The following SKP2 variants were observed in gnomAD, a reference collection of about 807,000 sequenced individuals.
SKP2 encodes S-phase kinase associated protein 2.
Under a neutral mutation model 51.8 loss-of-function variants are expected in SKP2, and 16 were observed. That is an observed-to-expected ratio of 0.31 (90% CI 0.21 to 0.47). The LOEUF (loss-of-function observed/expected upper bound fraction) is 0.47, where lower values mean the gene tolerates loss of function less well. Ranked by LOEUF, SKP2 falls within the 20% of genes least tolerant of loss-of-function variation. The pLI, the probability that SKP2 is intolerant of heterozygous loss-of-function variation, is 1.00. For missense variants in SKP2, 377 were observed against 505.3 expected (o/e 0.75, Z 2.43); for synonymous variants, 176 against 198.6 (o/e 0.89, Z 0.96).
At position 36,166,568 on chromosome 5, in the gene SKP2, C is replaced by A. The variant is rs770059490; in HGVS notation, c.442C>A (p.His148Asn). 13 of 1,613,898 alleles carry A rather than the reference C, an allele frequency of 8.1e-6. No homozygotes were observed. Among genetic ancestry groups the A allele is most frequent in the Admixed American group, 3.3e-5 (2 of 60,020 alleles). ...QTLDLTGKNL[H>N]PDVTGRLLSQ... ...CTTAGACCTCACAGGTAAAAATCTG[C>A]ACCCGGATGTGACTGGTCGGTTGCT... The change falls in exon 4 of 10, where the codon CAC becomes AAC. Residue 148 changes from histidine to asparagine, a missense_variant. Around this residue, in one of 2 missense-constraint regions of SKP2, gnomAD observed 262 missense variants for 389.8 expected, o/e 0.67. Coordinates refer to ENST00000274255, the MANE Select transcript of SKP2 (RefSeq NM_005983.4).
chr5:36,158,916 C>T (rs1169594900), intron 2 of SKP2, among the ~76,000 whole-genome samples: 2 of 152,208 alleles, frequency 1.3e-5, no homozygotes, highest in Admixed American at 6.5e-5. Context: ...GCCTCATCCC[C>T]TCCATATGCC....
At chr5:36,187,265 TC>T (rs1745964556), downstream of SKP2, among the ~76,000 whole-genome samples, 1 of 152,224 alleles carries the variant, frequency 6.6e-6, no homozygotes, top group Non-Finnish European at 1.5e-5. Flanking sequence ...AGTTATTTCT[TC>T]CTTTCTGGTA....
At chr5:36,172,826 G>C (rs1745516382) in intron 7 of SKP2, among the ~76,000 whole-genome samples, 1 of 152,064 alleles carries the variant, frequency 6.6e-6, no homozygotes, top group Admixed American at 6.6e-5. Context: ...CCAAACACTT[G>C]CATTTTCAGA....
chr5:36,162,191 C>G (rs1464850694), intron 2 of SKP2, among the ~76,000 whole-genome samples: 2 of 152,160 alleles, frequency 1.3e-5, no homozygotes, highest in African/African-American at 4.8e-5. Flanking sequence ...GCGTCAAAGC[C>G]AAAGGCTTTA....
intron 2 of SKP2, among the ~76,000 whole-genome samples, chr5:36,162,902 A>G (rs1745168240): frequency 6.6e-6 from 1 of 152,202 alleles, no homozygotes; most frequent in Non-Finnish European, 1.5e-5. Flanking sequence ...ACATGGCGGC[A>G]TCAAGTGCAG....
chr5:36,178,863 T>C (rs1174484739), intron 9 of SKP2, among the ~76,000 whole-genome samples: 1 of 152,120 alleles, frequency 6.6e-6, no homozygotes, highest in African/African-American at 2.4e-5. Flanking sequence ...GGCTGTGAGC[T>C]CTTCATTTTA....
chr5:36,154,973 G>T (rs1430242554), intron 2 of SKP2: 2 of 152,188 alleles, frequency 1.3e-5, no homozygotes, highest in African/African-American at 4.8e-5. Flanking sequence ...GAAATCAGGT[G>T]GGGGATGATG....
In SKP2 at chr5:36,170,333, T is replaced by C; in HGVS notation, c.672-11T>C. On this transcript the variant is annotated splice_polypyrimidine_tract_variant and intron_variant, in intron 5 of 9. Coordinates refer to ENST00000274255, the MANE Select transcript of SKP2 (RefSeq NM_005983.4). ...TGGTCTTTTTCTTCTGACGTTTTTC[T>C]CTTTTTCCAGTACTCTCGCAAAAAA... 1 of 1,551,386 alleles carries C rather than the reference T, an allele frequency of 6.4e-7. No homozygotes were observed. Among genetic ancestry groups the C allele is most frequent in the Non-Finnish European group, 8.9e-7 (1 of 1,125,774 alleles).
chr5:36,161,674 G>T (rs1745125151), intron 2 of SKP2, among the ~76,000 whole-genome samples: 1 of 152,322 alleles, frequency 6.6e-6, no homozygotes. Context: ...TTCTAACTGG[G>T]GGAAAGACAT....
Position 36,170,352 on chromosome 5 carries a change from C to CA in SKP2, c.686dup (p.Asn229LysfsTer8). ...TTTTTCTCTTTTTCCAGTACTCTCGCAAAAAACTCAAATTTAGTGCGACTT... is the reference window on the plus strand; with the variant it reads ...TTTTTCTCTTTTTCCAGTACTCTCGCAAAAAAACTCAAATTTAGTGCGACTT... On this transcript the variant is annotated frameshift_variant, in exon 6 of 10. Transcript: ENST00000274255. LOFTEE classifies it high-confidence loss of function. 1 of 1,609,264 alleles carries CA rather than the reference C, an allele frequency of 6.2e-7. No individual in the cohort carries two copies.
At chr5:36,153,280 C>A (rs1183443994) in intron 2 of SKP2, among the ~76,000 whole-genome samples, 3 of 151,320 alleles carry the variant, frequency 2.0e-5, no homozygotes, top group African/African-American at 7.3e-5. Context: ...AAAATTTTAA[C>A]CCATGAGAAG....
At position 36,184,043 on chromosome 5, in the gene SKP2, T is replaced by G. The variant is rs559762964; in HGVS notation, c.*2012T>G. 298 of 1,091,260 alleles carry G rather than the reference T, an allele frequency of 2.7e-4. No homozygotes were observed. The Admixed American group carries it at 4.0e-3, about 15-fold the overall frequency. 67.6% of individuals were successfully genotyped at this position (1,091,260 alleles called of 1,614,324 possible). ...TTTTTATAAAAATGAGTGCTTAAAC[T>G]AAGTTGTATTCCTTTTTTCTTTCTC... is the stretch of plus-strand genomic sequence containing the variant. On this transcript the variant is annotated 3_prime_UTR_variant, in exon 10 of 10. Transcript: ENST00000274255.
chr5:36,186,458 G>T (rs184669807), downstream of SKP2, among the ~76,000 whole-genome samples: 60 of 152,278 alleles, frequency 3.9e-4, no homozygotes, highest in African/African-American at 1.3e-3. Flanking sequence ...TAGCATGAAG[G>T]TTGTTGAATT....
intron 3 of SKP2, among the ~76,000 whole-genome samples, chr5:36,165,621 AC>A (rs1016645381): frequency 6.6e-6 from 1 of 152,146 alleles, no homozygotes; most frequent in African/African-American, 2.4e-5. Flanking sequence ...TCTACAGTCC[AC>A]CTTTTTAATG....
At chr5:36,191,938 T>C (rs1746033853) in intron 6 of SKP2, among the ~76,000 whole-genome samples, 1 of 152,236 alleles carries the variant, frequency 6.6e-6, no homozygotes, top group Non-Finnish European at 1.5e-5. Context: ...TGCTTTGAGT[T>C]ACTATGTTTT....
In SKP2 at chr5:36,152,145, TG is replaced by T; in HGVS notation, c.-116del. 9.6e-7 allele frequency: 1 copy of T among 1,043,088 alleles called. No individual in the cohort carries two copies. The highest frequency in any genetic ancestry group is 1.5e-6 in the Non-Finnish European group (1 of 666,318). 64.6% of individuals were successfully genotyped at this position (1,043,088 alleles called of 1,614,324 possible). A position where few individuals can be genotyped will look rare whatever the true frequency, so the allele number is the denominator to read the frequency against. ...GGAACGTTGCTAGGCTTAGCGGGTC[TG>T]GCTGCTGGGGGCCCGAGCAGCACGC... is the stretch of plus-strand genomic sequence containing the variant. On this transcript the variant is annotated 5_prime_UTR_variant, in exon 1 of 10. Transcript: ENST00000274255.
intron 6 of SKP2, among the ~76,000 whole-genome samples, chr5:36,190,093 A>G (rs964923904): frequency 6.6e-6 from 1 of 152,084 alleles, no homozygotes; most frequent in Non-Finnish European, 1.5e-5. Flanking sequence ...GGTGGGAGTG[A>G]CCCGATTTTC....
rs1055944951 is a variant in SKP2, at chr5:36,152,234, T to G, written c.-29T>G. 5.0e-6 allele frequency: 8 copies of G among 1,613,486 alleles called. No homozygotes were observed. The highest frequency in any genetic ancestry group is 6.8e-6 in the Non-Finnish European group (8 of 1,179,386). On this transcript the variant is annotated 5_prime_UTR_variant, in exon 1 of 10. Transcript: ENST00000274255. ...CGAGCAGCTCTGCAGTTAATGCACGTATTTTAAACTCCCGGGCCTGCGGAC... is the reference window on the plus strand; with the variant it reads ...CGAGCAGCTCTGCAGTTAATGCACGGATTTTAAACTCCCGGGCCTGCGGAC...
At chr5:36,170,296 A>T (rs768365776) in intron 5 of SKP2, 48 bp from the exon 6 acceptor site, 1 of 1,070,040 alleles carries the variant, frequency 9.3e-7, no homozygotes, top group Non-Finnish European at 1.4e-6. Context: ...TTGTTGATGA[A>T]TAGTGTCTTA....
Sources: gnomAD v4.1 joint callset for allele counts (sites outside exome capture counted in the v4.1 genomes callset) on GRCh38, gnomAD v4.1.1 for gene constraint, gnomAD v4.1.1 regional missense constraint, MANE v1.5 for transcripts, NCBI Gene and HGNC (gene_info 2026-07-23, HGNC 2026-07-21) for gene names.